Variants in FSTL4 observed in about 807,000 individuals in gnomAD.
FSTL4 encodes the protein follistatin-related protein 4.
Under a neutral mutation model 78.2 loss-of-function variants are expected in FSTL4, and 28 were observed. The observed-to-expected ratio is 0.36, with a 90% confidence interval of 0.27 to 0.49. The LOEUF is 0.49. FSTL4 is among the 20% of genes least tolerant of loss of function. The pLI, the probability that FSTL4 is intolerant of heterozygous loss-of-function variation, is 0.98. For synonymous variants in FSTL4, 422 were observed against 440.5 expected, an observed-to-expected ratio of 0.96 and a Z score of 0.53; for missense variants, 922 against 1,084.9, an observed-to-expected ratio of 0.85 and a Z score of 2.11.
intron 3 of FSTL4, among the ~76,000 whole-genome samples, chr5:133,449,552 G>T (rs1288779463): frequency 1.3e-5 from 2 of 152,170 alleles, no homozygotes; most frequent in Non-Finnish European, 2.9e-5. Flanking sequence ...AACCAGGAGT[G>T]ATCTCCATGT....
At chr5:133,311,968 G>C (rs1194575029) in intron 6 of FSTL4, among the ~76,000 whole-genome samples, 1 of 152,142 alleles carries the variant, frequency 6.6e-6, no homozygotes, top group East Asian at 1.9e-4. Flanking sequence ...AATGGCTCTT[G>C]TATCTTGCAT....
the FSTL4 span, among the ~76,000 whole-genome samples, chr5:133,620,137 G>T: frequency 6.6e-6 from 1 of 152,190 alleles, no homozygotes; most frequent in African/African-American, 2.4e-5. Flanking sequence ...TAAAATCCTT[G>T]ACAGTGCCTC....
chr5:133,553,239 T>C (rs768204059), intron 3 of FSTL4, among the ~76,000 whole-genome samples: 1 of 152,210 alleles, frequency 6.6e-6, no homozygotes, highest in Non-Finnish European at 1.5e-5. Flanking sequence ...TTCCGAGGCA[T>C]GGCAGCATCT....
chr5:133,210,373 C>T (rs928036007), intron 13 of FSTL4, 75 bp from the exon 14 acceptor site: 74 of 817,940 alleles, frequency 9.0e-5, no homozygotes, highest in Non-Finnish European at 1.2e-4. Flanking sequence ...ATGGGCATCA[C>T]TCCTGGGCGA....
In FSTL4 at chr5:133,236,458, A is replaced by G. The variant is rs1402439489; in HGVS notation, c.895-2921T>C. On this transcript the variant is annotated intron_variant, in intron 7 of 15. Coordinates refer to ENST00000265342, the MANE Select transcript of FSTL4 (RefSeq NM_015082.2). The surrounding 1 kb of genome is among the most constrained non-coding windows in gnomAD (Gnocchi z 5.0). Reference sequence around the variant, plus strand: ...TGAAAACCCCAATCCAGAAAACAAAACAAAAGCCCAGTTCCCCAGGGGCTG... The same window carrying G: ...TGAAAACCCCAATCCAGAAAACAAAGCAAAAGCCCAGTTCCCCAGGGGCTG... 2.0e-5 allele frequency among the ~76,000 whole-genome samples: 3 copies of G among 152,098 alleles called. 1 individual carries two copies. The highest frequency in any genetic ancestry group is 1.9e-4 in the East Asian group (1 of 5,180).
intron 3 of FSTL4, among the ~76,000 whole-genome samples, chr5:133,497,760 C>T (rs1580747188): frequency 6.6e-6 from 1 of 152,186 alleles, no homozygotes; most frequent in East Asian, 1.9e-4. Flanking sequence ...TTCCCCCTTG[C>T]TCTTTAAATG....
the FSTL4 span, among the ~76,000 whole-genome samples, chr5:133,694,492 A>C: frequency 6.6e-6 from 1 of 152,246 alleles, no homozygotes; most frequent in Non-Finnish European, 1.5e-5. Context: ...TGGACTGTGA[A>C]ACTCAGCATG....
At chr5:133,498,611 G>A (rs760539666) in intron 3 of FSTL4, among the ~76,000 whole-genome samples, 1 of 151,796 alleles carries the variant, frequency 6.6e-6, no homozygotes, top group African/African-American at 2.4e-5. Context: ...TCAGCTATTC[G>A]GGAGGCTGAG....
chr5:133,346,288 T>C (rs1479383280), intron 4 of FSTL4, among the ~76,000 whole-genome samples: 1 of 152,100 alleles, frequency 6.6e-6, no homozygotes, highest in Non-Finnish European at 1.5e-5. Flanking sequence ...AAATACCTAA[T>C]GCACGCCGGG....
At chr5:133,360,647 T>C (rs1420304829) in intron 4 of FSTL4, among the ~76,000 whole-genome samples, 1 of 152,192 alleles carries the variant, frequency 6.6e-6, no homozygotes, top group Non-Finnish European at 1.5e-5. Context: ...ATGACACATT[T>C]AAAAAGTAAA....
the FSTL4 span, among the ~76,000 whole-genome samples, chr5:133,683,139 AGGT>A: frequency 6.6e-6 from 1 of 152,256 alleles, no homozygotes; most frequent in Non-Finnish European, 1.5e-5. Flanking sequence ...TTGAAGCACA[AGGT>A]GCAGATCGGC....
At chr5:133,495,442 C>G (rs974143325) in intron 3 of FSTL4, among the ~76,000 whole-genome samples, 2 of 152,216 alleles carry the variant, frequency 1.3e-5, no homozygotes, top group African/African-American at 4.8e-5. Context: ...GCGGACATCT[C>G]TAAGGGGATG....
intron 3 of FSTL4, among the ~76,000 whole-genome samples, chr5:133,458,964 A>C (rs1363021655): frequency 1.3e-5 from 2 of 151,888 alleles, no homozygotes; most frequent in Non-Finnish European, 2.9e-5. Flanking sequence ...GACATTAGAC[A>C]CCCCAGCTCC....
intron 6 of FSTL4, among the ~76,000 whole-genome samples, chr5:133,284,312 T>C (rs1259311380): frequency 1.3e-5 from 2 of 152,262 alleles, no homozygotes; most frequent in Non-Finnish European, 2.9e-5. Flanking sequence ...AGACTGCTGC[T>C]AATCAAAGTG....
intron 6 of FSTL4, among the ~76,000 whole-genome samples, chr5:133,274,380 CTT>C (rs59634629): frequency 9.9e-5 from 7 of 71,020 alleles, no homozygotes; most frequent in South Asian, 6.8e-4. Context: ...GCAATCTGTG[CTT>C]TTTTTTTTTT....
At chr5:133,553,772 A>G (rs1759733672) in intron 3 of FSTL4, among the ~76,000 whole-genome samples, 1 of 152,248 alleles carries the variant, frequency 6.6e-6, no homozygotes, top group Non-Finnish European at 1.5e-5. Context: ...AAGTCAAAAC[A>G]TAGAACTTAA....
chr5:133,231,529 C>G (rs1165554900), intron 8 of FSTL4, among the ~76,000 whole-genome samples: 3 of 152,102 alleles, frequency 2.0e-5, no homozygotes, highest in Admixed American at 1.3e-4. Flanking sequence ...TTAATATATC[C>G]TAGGCACACA....
intron 4 of FSTL4, among the ~76,000 whole-genome samples, chr5:133,363,456 G>A (rs911318348): frequency 1.4e-4 from 22 of 151,954 alleles, no homozygotes; most frequent in African/African-American, 5.3e-4. Context: ...TCACAATCAC[G>A]CCTTCCCCCA....
intron 4 of FSTL4, among the ~76,000 whole-genome samples, chr5:133,349,054 T>C (rs1226720218): frequency 6.6e-6 from 1 of 152,104 alleles, no homozygotes; most frequent in East Asian, 1.9e-4. Flanking sequence ...TTCAGTGAGA[T>C]CTCAGAATAG....
Sources: gnomAD v4.1 joint callset for allele counts (sites outside exome capture counted in the v4.1 genomes callset) on GRCh38, gnomAD v4.1.1 for gene constraint, Gnocchi (gnomAD v3.1) non-coding constraint, MANE v1.5 for transcripts, NCBI Gene and HGNC (gene_info 2026-07-23, HGNC 2026-07-21) for gene names.